DIP2C: variants seen among roughly 807,000 people sequenced by gnomAD.
DIP2C encodes DIP2 acetate--CoA ligase C (putative), also known as disco-interacting protein 2 homolog C.
DIP2C carries 33 observed loss-of-function variants against 192.4 expected under a neutral mutation model. The ratio of observed to expected loss-of-function variants is 0.17; its 90% CI spans 0.13 to 0.23. DIP2C has a LOEUF of 0.23. Among genes scored for constraint, DIP2C ranks in the 10% least tolerant of loss-of-function variants. The probability of loss-of-function intolerance (pLI) is 1.00; values close to 1 mark genes in which losing one functional copy is unlikely to be tolerated. For missense variants in DIP2C, 1,537 were observed against 2,110.1 expected (o/e 0.73, Z 5.32); for synonymous variants, 979 against 864.1 (o/e 1.13, Z -2.33).
chr10:460,875 G>A (rs1969717952), intron 3 of DIP2C, among the ~76,000 whole-genome samples: 1 of 152,194 alleles, frequency 6.6e-6, no homozygotes, highest in South Asian at 2.1e-4. Context: ...AACCCGACAT[G>A]CCAGAAGAGA....
intron 1 of DIP2C, among the ~76,000 whole-genome samples, chr10:571,153 G>A (rs1849772155): frequency 2.6e-5 from 4 of 152,338 alleles, no homozygotes; most frequent in Middle Eastern, 6.8e-3. Flanking sequence ...ATGACAGGCC[G>A]CTCAGCTAAA....
intron 1 of DIP2C, among the ~76,000 whole-genome samples, chr10:596,092 G>A (rs754999330): frequency 2.6e-5 from 4 of 152,104 alleles, no homozygotes; most frequent in East Asian, 3.9e-4. Flanking sequence ...CCTTCCCCAC[G>A]GCTAAAGGAC....
At position 465,067 on chromosome 10, in the gene DIP2C, A is replaced by T. The variant is rs78646835; in HGVS notation, c.268+7372T>A. Among the ~76,000 whole-genome samples the T allele has an allele frequency of 1.4e-3, 191 of 141,364 alleles. 1 individual carries two copies. The highest frequency in any genetic ancestry group is 4.8e-3 in the African/African-American group (181 of 37,578). 92.7% of individuals were successfully genotyped at this position (141,364 alleles called of 152,430 possible). On this transcript the variant is annotated intron_variant, in intron 3 of 36. Coordinates refer to ENST00000280886, the MANE Select transcript of DIP2C (RefSeq NM_014974.3). ...CCAGCATCATTCTGATACCAAAGCC[A>T]GGCAGAGACACAACCAAAAAAGAGA...
chr10:522,281 A>G lies in DIP2C; in HGVS notation c.86-35751T>C, dbSNP rs115649773. On this transcript the variant is annotated intron_variant, in intron 1 of 36. Coordinates refer to ENST00000280886, the MANE Select transcript of DIP2C (RefSeq NM_014974.3). ...GTGGTCCAGTTCTTTTTAGTGTTGA[A>G]TAATATCCCAGTTTCTGATGTACCA... Among the ~76,000 whole-genome samples the G allele has an allele frequency of 5.0e-3, 761 of 152,298 alleles. 7 individuals carry two copies. The highest frequency in any genetic ancestry group is 0.017 in the African/African-American group (711 of 41,572).
intron 1 of DIP2C, among the ~76,000 whole-genome samples, chr10:610,180 C>G (rs1852981853): frequency 6.6e-6 from 1 of 152,144 alleles, no homozygotes; most frequent in African/African-American, 2.4e-5. Context: ...CAGCATGGAG[C>G]TGGAGGACAT....
In DIP2C at chr10:275,088, C is replaced by G. The variant is rs1434243795; in HGVS notation, c.*2237G>C. ...GCCCTCACAACTGCACTGCAGCGTC[C>G]ACACTCCTTGAATGTAGAGTTGATC... On this transcript the variant is annotated 3_prime_UTR_variant, in exon 37 of 37. Coordinates refer to ENST00000280886, the MANE Select transcript of DIP2C (RefSeq NM_014974.3). The G allele has an allele frequency of 6.6e-6, 1 of 152,224 alleles. No homozygotes were observed. The highest frequency in any genetic ancestry group is 1.5e-5 in the Non-Finnish European group (1 of 68,044). 9.4% of individuals were successfully genotyped at this position (152,224 alleles called of 1,614,324 possible). A position where few individuals can be genotyped will look rare whatever the true frequency, so the allele number is the denominator to read the frequency against.
chr10:388,432 G>C (rs1317472652), intron 13 of DIP2C, among the ~76,000 whole-genome samples: 1 of 152,222 alleles, frequency 6.6e-6, no homozygotes, highest in East Asian at 1.9e-4. Flanking sequence ...GCCAAGGTCA[G>C]CAGCTGCCTG....
At chr10:538,127 G>C (rs1339378267) in intron 1 of DIP2C, among the ~76,000 whole-genome samples, 1 of 152,016 alleles carries the variant, frequency 6.6e-6, no homozygotes, top group Non-Finnish European at 1.5e-5. Context: ...TTTGTTTCTA[G>C]ACTCTGTATC....
intron 3 of DIP2C, among the ~76,000 whole-genome samples, chr10:464,710 C>A (rs1184888041): frequency 6.6e-6 from 1 of 152,110 alleles, no homozygotes; most frequent in Non-Finnish European, 1.5e-5. Flanking sequence ...TTCACAATAG[C>A]AAAAACTCGG....
intron 28 of DIP2C, among the ~76,000 whole-genome samples, chr10:342,575 C>G (rs1589542876): frequency 1.3e-5 from 2 of 152,356 alleles, no homozygotes; most frequent in South Asian, 2.1e-4. Context: ...GACATAGCCT[C>G]TGCTGTGCAG....
intron 29 of DIP2C, among the ~76,000 whole-genome samples, chr10:337,782 G>A (rs933159259): frequency 6.8e-6 from 1 of 147,858 alleles, no homozygotes; most frequent in African/African-American, 2.5e-5. Flanking sequence ...TGAAGGCCTA[G>A]GCAGCTGTGT....
At position 427,039 on chromosome 10, in the gene DIP2C, C is replaced by T. The variant is rs187120970; in HGVS notation, c.395-4006G>A. Among the ~76,000 whole-genome samples, 784 of 152,312 alleles carry T rather than the reference C, an allele frequency of 5.1e-3. 5 individuals are homozygous for T. Among genetic ancestry groups the T allele is most frequent in the Non-Finnish European group, 6.9e-3 (470 of 68,018 alleles). On this transcript the variant is annotated intron_variant, in intron 4 of 36. Coordinates refer to ENST00000280886, the MANE Select transcript of DIP2C (RefSeq NM_014974.3). ...CTAAGTTTTAAAAGATGATTATCTG[C>T]CTCTAGCTAATGTAATAAATTACCT...
chr10:373,082 G>A lies in DIP2C; in HGVS notation c.1992-3449C>T, dbSNP rs550065662. On this transcript the variant is annotated intron_variant, in intron 17 of 36. Transcript: ENST00000280886. ...CGGGCACAGAAAGGTTGACTTCACT[G>A]CCCAAGTGGGTGGTGGGGCTCGGCA... 2.0e-5 allele frequency among the ~76,000 whole-genome samples: 3 copies of A among 152,330 alleles called. No homozygotes were observed. The South Asian group carries it at 6.2e-4, about 32-fold the overall frequency.
intron 10 of DIP2C, among the ~76,000 whole-genome samples, chr10:398,470 T>C (rs1416550426): frequency 1.3e-5 from 2 of 152,222 alleles, no homozygotes; most frequent in Non-Finnish European, 2.9e-5. Context: ...CTTACATGTA[T>C]TGCCTAATGT....
At chr10:358,141 G>A (rs1272243907) in intron 22 of DIP2C, among the ~76,000 whole-genome samples, 1 of 152,114 alleles carries the variant, frequency 6.6e-6, no homozygotes, top group Non-Finnish European at 1.5e-5. Flanking sequence ...CTTCAGAAAC[G>A]ATGTTTTTAT....
At chr10:683,064 T>C (rs1831188712) in intron 1 of DIP2C, among the ~76,000 whole-genome samples, 1 of 152,196 alleles carries the variant, frequency 6.6e-6, no homozygotes, top group Admixed American at 6.5e-5. Context: ...AAAGGGCCGA[T>C]GTCACTACCA....
intron 18 of DIP2C, among the ~76,000 whole-genome samples, chr10:367,177 G>T (rs538333353): frequency 3.3e-5 from 5 of 152,208 alleles, no homozygotes; most frequent in Non-Finnish European, 5.9e-5. Flanking sequence ...CAGTACTTTG[G>T]GAGGCCGAGG....
At chr10:639,961 C>T (rs920419499) in intron 1 of DIP2C, among the ~76,000 whole-genome samples, 2 of 152,186 alleles carry the variant, frequency 1.3e-5, no homozygotes, top group Non-Finnish European at 2.9e-5. Context: ...GGGCACTCTG[C>T]GCGCTTTCTC....
At chr10:580,345 ACATG>A (rs879572053) in intron 1 of DIP2C, among the ~76,000 whole-genome samples, 21 of 152,200 alleles carry the variant, frequency 1.4e-4, no homozygotes, top group Non-Finnish European at 3.1e-4. Context: ...TGCGTAGTGT[ACATG>A]CATGCTTACA....
Sources: allele counts gnomAD v4.1 joint callset (sites outside exome capture counted in the v4.1 genomes callset), GRCh38; gene constraint gnomAD v4.1.1; transcripts MANE v1.5; gene names NCBI Gene and HGNC (gene_info 2026-07-23, HGNC 2026-07-21).